Variants in CIRSR observed in about 807,000 individuals in gnomAD.
CIRSR encodes corepressor of RBPJ and splicing regulator, also known as CBF1 (RBPJ) interacting corepressor 1.
chr2:174,394,118 C>T, the CIRSR span, among the ~76,000 whole-genome samples: 2 of 152,112 alleles, frequency 1.3e-5, no homozygotes, highest in Non-Finnish European at 2.9e-5. Context: ...TTTCTCATAG[C>T]GGACTTGCAA....
chr2:174,349,016 A>C, the CIRSR span: 1 of 1,596,802 alleles, frequency 6.3e-7, no homozygotes, highest in Non-Finnish European at 8.5e-7. Context: ...TCTCACTCTC[A>C]CTACTGCTTT....
At chr2:174,355,792 T>C in the CIRSR span, among the ~76,000 whole-genome samples, 88,592 of 152,092 alleles carry the variant, frequency 0.58, 28,470 homozygotes, top group East Asian at 0.8. Flanking sequence ...AAGAATAATA[T>C]ATAAACTCAA....
the CIRSR span, among the ~76,000 whole-genome samples, chr2:174,371,693 C>T: frequency 6.6e-6 from 1 of 152,178 alleles, no homozygotes; most frequent in South Asian, 2.1e-4. Flanking sequence ...ACAGCTGGAA[C>T]ATTCTAACAG....
the CIRSR span, chr2:174,380,853 G>A: frequency 6.5e-7 from 1 of 1,536,450 alleles, no homozygotes; most frequent in Non-Finnish European, 8.9e-7. Flanking sequence ...AAAAAGGTAT[G>A]ACAAGTTAAA....
chr2:174,395,213 A>T, the CIRSR span, among the ~76,000 whole-genome samples: 1 of 152,244 alleles, frequency 6.6e-6, no homozygotes. Flanking sequence ...AGTAGAGTTC[A>T]GAAGCCGTGA....
the CIRSR span, among the ~76,000 whole-genome samples, chr2:174,379,374 A>C: frequency 6.6e-6 from 1 of 152,196 alleles, no homozygotes; most frequent in Non-Finnish European, 1.5e-5. Context: ...GTAAACCTTT[A>C]AAGTTTCAAA....
the CIRSR span, among the ~76,000 whole-genome samples, chr2:174,373,879 A>G: frequency 6.6e-6 from 1 of 151,458 alleles, no homozygotes. Flanking sequence ...AAACACACAC[A>G]TACACACACA....
At chr2:174,389,074 G>A in the CIRSR span, among the ~76,000 whole-genome samples, 138 of 152,272 alleles carry the variant, frequency 9.1e-4, no homozygotes, top group Non-Finnish European at 1.8e-3. Context: ...TCATAGCAGC[G>A]TGAGAATAGA....
the CIRSR span, among the ~76,000 whole-genome samples, chr2:174,371,205 G>A: frequency 7.9e-5 from 12 of 152,282 alleles, no homozygotes; most frequent in African/African-American, 2.9e-4. Flanking sequence ...GGTGATGGAT[G>A]TATAACTCTG....
chr2:174,351,828 G>T, the CIRSR span: 1 of 712,560 alleles, frequency 1.4e-6, no homozygotes, highest in Non-Finnish European at 2.2e-6. Context: ...TAAAATCACA[G>T]CTAAATCAAC....
chr2:174,350,855 G>T, the CIRSR span: 2 of 764,922 alleles, frequency 2.6e-6, no homozygotes, highest in African/African-American at 1.8e-5. Context: ...CACTGTAGAT[G>T]AATATGATAT....
chr2:174,370,119 C>A, the CIRSR span: 1 of 1,291,922 alleles, frequency 7.7e-7, no homozygotes, highest in Non-Finnish European at 1.0e-6. Context: ...CTGAGTTCAA[C>A]GGCGGGCATA....
the CIRSR span, among the ~76,000 whole-genome samples, chr2:174,376,616 T>C: frequency 6.6e-6 from 1 of 151,646 alleles, no homozygotes; most frequent in African/African-American, 2.4e-5. Context: ...GCTAACATGG[T>C]GAAACCCTGT....
the CIRSR span, chr2:174,395,614 T>C: frequency 6.2e-6 from 10 of 1,614,078 alleles, no homozygotes; most frequent in Admixed American, 6.7e-5. Context: ...TGGCGAAGGA[T>C]TTCCCCATCT....
At chr2:174,351,294 C>G in the CIRSR span, among the ~76,000 whole-genome samples, 8 of 152,090 alleles carry the variant, frequency 5.3e-5, no homozygotes, top group African/African-American at 1.7e-4. Flanking sequence ...TTTTTACATA[C>G]TTCTAACCAT....
At chr2:174,360,443 C>T in the CIRSR span, among the ~76,000 whole-genome samples, 1 of 152,172 alleles carries the variant, frequency 6.6e-6, no homozygotes, top group Non-Finnish European at 1.5e-5. Context: ...AGTAGTGGAA[C>T]ATGGGGGTTT....
At chr2:174,378,943 G>A in the CIRSR span, 6 of 1,612,264 alleles carry the variant, frequency 3.7e-6, no homozygotes, top group South Asian at 2.2e-5. Flanking sequence ...AGTGGGAACC[G>A]AACTTGCATT....
the CIRSR span, among the ~76,000 whole-genome samples, chr2:174,381,084 T>C: frequency 1.3e-5 from 2 of 152,206 alleles, no homozygotes; most frequent in Non-Finnish European, 2.9e-5. Context: ...TATTTACAAA[T>C]GCATTAAATA....
chr2:174,349,625 T>C, the CIRSR span, among the ~76,000 whole-genome samples: 1 of 149,266 alleles, frequency 6.7e-6, no homozygotes, highest in Non-Finnish European at 1.5e-5. Flanking sequence ...GTTTACTAAA[T>C]GACAACTCAT....
Sources: allele counts gnomAD v4.1 joint callset (sites outside exome capture counted in the v4.1 genomes callset), GRCh38; gene constraint gnomAD v4.1.1; transcripts MANE v1.5; gene names NCBI Gene and HGNC (gene_info 2026-07-23, HGNC 2026-07-21).